Variants in RCAN2 observed in about 807,000 individuals in gnomAD.
RCAN2 encodes the protein calcipressin-2.
Under a neutral mutation model 23.6 loss-of-function variants are expected in RCAN2, and 9 were observed. The ratio of observed to expected loss-of-function variants is 0.38; its 90% confidence interval spans 0.23 to 0.67. The LOEUF (loss-of-function observed/expected upper bound fraction) is 0.67. Among genes scored for constraint, RCAN2 ranks in the 30% least tolerant of loss-of-function variants. The pLI is 0.51. For missense variants in RCAN2, 273 were observed against 302.3 expected (o/e 0.90, Z 0.72); for synonymous variants, 109 against 115.7 (o/e 0.94, Z 0.37).
intron 2 of RCAN2, among the ~76,000 whole-genome samples, chr6:46,399,404 C>A (rs561017897): frequency 6.6e-6 from 1 of 150,864 alleles, no homozygotes; most frequent in African/African-American, 2.4e-5. Context: ...ACTAATACAC[C>A]TTGCCTGCAA....
intron 2 of RCAN2, among the ~76,000 whole-genome samples, chr6:46,423,086 G>C (rs1452702108): frequency 6.6e-6 from 1 of 152,180 alleles, no homozygotes; most frequent in Non-Finnish European, 1.5e-5. Flanking sequence ...GGGGTATCTA[G>C]TGCCTTGGTG....
chr6:46,409,515 A>G (rs1361540405), intron 2 of RCAN2, among the ~76,000 whole-genome samples: 1 of 152,228 alleles, frequency 6.6e-6, no homozygotes, highest in Non-Finnish European at 1.5e-5. Context: ...TTGTCAAGAG[A>G]GTACAGGCCA....
At chr6:46,272,774 T>C (rs1242790440) in intron 2 of RCAN2, among the ~76,000 whole-genome samples, 1 of 152,214 alleles carries the variant, frequency 6.6e-6, no homozygotes, top group African/African-American at 2.4e-5. Flanking sequence ...TCAGTCTGTA[T>C]CACTCCTAGA....
intron 2 of RCAN2, among the ~76,000 whole-genome samples, chr6:46,434,604 T>C (rs896318463): frequency 8.5e-5 from 13 of 152,220 alleles, no homozygotes; most frequent in Non-Finnish European, 1.9e-4. Context: ...AATGGGATTA[T>C]AACTTTCTTT....
At chr6:46,488,712 C>T (rs1385929336) in intron 1 of RCAN2, among the ~76,000 whole-genome samples, 1 of 152,214 alleles carries the variant, frequency 6.6e-6, no homozygotes, top group Non-Finnish European at 1.5e-5. Flanking sequence ...TTTACTCCCT[C>T]AGTTAAAAGC....
At chr6:46,301,989 C>A (rs2150351565) in intron 2 of RCAN2, among the ~76,000 whole-genome samples, 1 of 152,174 alleles carries the variant, frequency 6.6e-6, no homozygotes, top group East Asian at 1.9e-4. Context: ...TTTCCAATGA[C>A]CACTTTGGCT....
At chr6:46,401,523 C>A (rs1766248140) in intron 2 of RCAN2, among the ~76,000 whole-genome samples, 1 of 152,118 alleles carries the variant, frequency 6.6e-6, no homozygotes. Flanking sequence ...ATCCCTCATA[C>A]CTCTTCCCCA....
chr6:46,235,589 T>A (rs1038928865), intron 4 of RCAN2, among the ~76,000 whole-genome samples: 1 of 152,214 alleles, frequency 6.6e-6, no homozygotes, highest in Non-Finnish European at 1.5e-5. Context: ...TCTCTGCCAA[T>A]CTAGGTTCCG....
At chr6:46,313,873 T>C (rs1763342200) in intron 2 of RCAN2, among the ~76,000 whole-genome samples, 1 of 152,224 alleles carries the variant, frequency 6.6e-6, no homozygotes, top group African/African-American at 2.4e-5. Flanking sequence ...TATTTAAATA[T>C]AGAATACTAT....
intron 1 of RCAN2, among the ~76,000 whole-genome samples, chr6:46,476,938 G>A (rs1406153394): frequency 1.3e-5 from 2 of 152,152 alleles, no homozygotes; most frequent in Non-Finnish European, 2.9e-5. Flanking sequence ...TGAAGGTTGG[G>A]TTGATCACCA....
At chr6:46,464,680 G>A (rs1768321743) in intron 1 of RCAN2, among the ~76,000 whole-genome samples, 2 of 152,170 alleles carry the variant, frequency 1.3e-5, no homozygotes, top group South Asian at 4.1e-4. Flanking sequence ...CACACCTGCT[G>A]AGCTATGTGA....
At chr6:46,401,139 G>A (rs1766236148) in intron 2 of RCAN2, among the ~76,000 whole-genome samples, 1 of 152,174 alleles carries the variant, frequency 6.6e-6, no homozygotes, top group Admixed American at 6.5e-5. Flanking sequence ...GTCCACAGTG[G>A]GTTGAACATT....
chr6:46,313,906 G>C (rs1763342938), intron 2 of RCAN2, among the ~76,000 whole-genome samples: 1 of 152,302 alleles, frequency 6.6e-6, no homozygotes, highest in East Asian at 1.9e-4. Context: ...TACAAATGGA[G>C]TACTTCATTA....
At chr6:46,304,684 G>C (rs946269638) in intron 2 of RCAN2, among the ~76,000 whole-genome samples, 1 of 152,074 alleles carries the variant, frequency 6.6e-6, no homozygotes, top group African/African-American at 2.4e-5. Flanking sequence ...AGAATGCCCT[G>C]GTGGTTTTTA....
chr6:46,409,599 C>G (rs576613006), intron 2 of RCAN2, among the ~76,000 whole-genome samples: 31 of 152,270 alleles, frequency 2.0e-4, no homozygotes, highest in African/African-American at 6.3e-4. Flanking sequence ...CTATAACAGG[C>G]TCTTAAATGC....
chr6:46,303,423 C>G (rs1762970008), intron 2 of RCAN2, among the ~76,000 whole-genome samples: 2 of 152,074 alleles, frequency 1.3e-5, no homozygotes, highest in South Asian at 4.1e-4. Context: ...TCTTTTAAAT[C>G]TATGCCTAAT....
chr6:46,470,011 G>A (rs1301276508), intron 1 of RCAN2, among the ~76,000 whole-genome samples: 1 of 152,166 alleles, frequency 6.6e-6, no homozygotes, highest in Non-Finnish European at 1.5e-5. Flanking sequence ...TGGACACCTT[G>A]ATCTTAGACT....
chr6:46,336,431 A>G (rs1241165849), intron 2 of RCAN2, among the ~76,000 whole-genome samples: 2 of 152,222 alleles, frequency 1.3e-5, no homozygotes, highest in African/African-American at 2.4e-5. Flanking sequence ...GGTCTCACCC[A>G]CTGAAAAAGA....
chr6:46,488,154 G>T (rs1769045426), intron 1 of RCAN2, among the ~76,000 whole-genome samples: 1 of 152,182 alleles, frequency 6.6e-6, no homozygotes, highest in Non-Finnish European at 1.5e-5. Flanking sequence ...GGATAAAAAA[G>T]AATTATTTTA....
Sources: allele counts gnomAD v4.1 joint callset (sites outside exome capture counted in the v4.1 genomes callset), GRCh38; gene constraint gnomAD v4.1.1; transcripts MANE v1.5; gene names NCBI Gene and HGNC (gene_info 2026-07-23, HGNC 2026-07-21).